Variants in CDH9 observed in about 807,000 individuals in gnomAD.
CDH9 encodes the protein cadherin 9.
In CDH9, 28 loss-of-function variants were observed where a neutral mutation model predicts 70.9. That is an observed-to-expected ratio of 0.40 (90% CI 0.29 to 0.54). The LOEUF is 0.54. Ranked by LOEUF, CDH9 falls within the 20% of genes least tolerant of loss-of-function variation. The probability of loss-of-function intolerance (pLI) is 0.59; values close to 1 mark genes in which losing one functional copy is unlikely to be tolerated. For missense variants in CDH9, 874 were observed against 984.4 expected, an observed-to-expected ratio of 0.89 and a Z score of 1.50; for synonymous variants, 409 against 343.1, an observed-to-expected ratio of 1.19 and a Z score of -2.12.
chr5:27,005,302 G>C (rs1167513677), intron 1 of CDH9, among the ~76,000 whole-genome samples: 1 of 151,938 alleles, frequency 6.6e-6, no homozygotes, highest in African/African-American at 2.4e-5. Flanking sequence ...CCTGGACATA[G>C]GAAGGGCAAA....
At chr5:26,905,741 T>C (rs1740933810) in intron 5 of CDH9, among the ~76,000 whole-genome samples, 1 of 152,134 alleles carries the variant, frequency 6.6e-6, no homozygotes, top group Non-Finnish European at 1.5e-5. Flanking sequence ...TAATACTTTG[T>C]TTTCTTCCAC....
At chr5:26,949,747 T>C (rs545501356) in intron 2 of CDH9, among the ~76,000 whole-genome samples, 160 of 152,332 alleles carry the variant, frequency 1.1e-3, no homozygotes, top group African/African-American at 3.7e-3. Context: ...TGAAAAAGTC[T>C]TGCTTGTTAA....
At chr5:26,918,451 T>C (rs1317858315) in intron 2 of CDH9, among the ~76,000 whole-genome samples, 2 of 152,216 alleles carry the variant, frequency 1.3e-5, no homozygotes, top group Non-Finnish European at 2.9e-5. Context: ...AAGACTGATA[T>C]TCTTCTATTA....
At chr5:26,931,695 G>C (rs894756458) in intron 2 of CDH9, among the ~76,000 whole-genome samples, 1 of 152,072 alleles carries the variant, frequency 6.6e-6, no homozygotes, top group Non-Finnish European at 1.5e-5. Context: ...ACTACACTTA[G>C]GAAGTACCAG....
rs1740941877 is a variant in CDH9, at chr5:26,906,059, C to T, written c.711G>A (p.Gln237=). The change falls in exon 5 of 12, where the codon CAG becomes CAA. Residue 237 remains glutamine, a synonymous_variant. Coordinates refer to ENST00000231021, the MANE Select transcript of CDH9 (RefSeq NM_016279.4). ...CCATCTGGCCACCCATGTCTTTGGC[C>T]TGTATAACAACCTGGTACTGCTCTC... The part of the protein sequence containing the change: ...ENREQYQVVI[Q]AKDMGGQMGG... The T allele has an allele frequency of 1.2e-6, 2 of 1,613,646 alleles. No homozygotes were observed. Among genetic ancestry groups the T allele is most frequent in the Non-Finnish European group, 8.5e-7 (1 of 1,179,682 alleles).
At chr5:26,985,929 A>G (rs1742480758) in intron 2 of CDH9, among the ~76,000 whole-genome samples, 1 of 152,124 alleles carries the variant, frequency 6.6e-6, no homozygotes, top group Non-Finnish European at 1.5e-5. Flanking sequence ...AGTGATGTCA[A>G]AAGCCAGAAA....
intron 11 of CDH9, among the ~76,000 whole-genome samples, chr5:26,883,781 G>T (rs1308019694): frequency 2.0e-5 from 3 of 151,606 alleles, no homozygotes; most frequent in Non-Finnish European, 4.4e-5. Flanking sequence ...TCATCAGGCT[G>T]AAAAGTGTCC....
chr5:26,962,974 A>G (rs891060240), intron 2 of CDH9, among the ~76,000 whole-genome samples: 7 of 152,260 alleles, frequency 4.6e-5, no homozygotes, highest in African/African-American at 1.4e-4. Flanking sequence ...ATATTTTCCT[A>G]CAGAAAAATT....
intron 2 of CDH9, among the ~76,000 whole-genome samples, chr5:26,952,234 G>A (rs1741858655): frequency 6.7e-6 from 1 of 149,686 alleles, no homozygotes; most frequent in African/African-American, 2.4e-5. Flanking sequence ...AAAGTGCTGG[G>A]ATCACAGGCG....
intron 1 of CDH9, among the ~76,000 whole-genome samples, chr5:27,003,263 T>C (rs1167459077): frequency 6.6e-6 from 1 of 152,114 alleles, no homozygotes; most frequent in East Asian, 1.9e-4. Context: ...TTTATACTGA[T>C]ATAAATAAAC....
chr5:26,887,203 T>G (rs1023844519), intron 9 of CDH9, among the ~76,000 whole-genome samples: 5 of 152,096 alleles, frequency 3.3e-5, no homozygotes, highest in African/African-American at 1.2e-4. Context: ...CTTTTCTCCT[T>G]AGAAAATTGG....
intron 1 of CDH9, among the ~76,000 whole-genome samples, chr5:27,005,564 G>A (rs184760827): frequency 1.7e-3 from 260 of 152,214 alleles, no homozygotes; most frequent in South Asian, 3.1e-3. Context: ...TGCACTGATG[G>A]TGGGGGTGTA....
chr5:26,964,853 C>T (rs1742102388), intron 2 of CDH9, among the ~76,000 whole-genome samples: 1 of 119,448 alleles, frequency 8.4e-6, no homozygotes, highest in Non-Finnish European at 1.6e-5. Context: ...TCTCATTGTT[C>T]ATCTCCTGCT....
chr5:26,881,820 A>T (rs936808026), intron 11 of CDH9, among the ~76,000 whole-genome samples, 197 bp from the exon 12 acceptor site: 2 of 152,100 alleles, frequency 1.3e-5, no homozygotes, highest in African/African-American at 4.8e-5. Context: ...AGATATTACC[A>T]TGCCTTTAAT....
At chr5:26,888,032 G>A (rs1215766124) in intron 9 of CDH9, among the ~76,000 whole-genome samples, 3 of 152,044 alleles carry the variant, frequency 2.0e-5, no homozygotes, top group Admixed American at 6.6e-5. Context: ...GTGGTAATTT[G>A]TCATGGCAGC....
intron 1 of CDH9, among the ~76,000 whole-genome samples, chr5:27,018,999 A>T (rs190239416): frequency 1.1e-4 from 16 of 152,110 alleles, no homozygotes; most frequent in Non-Finnish European, 2.2e-4. Flanking sequence ...TTACTATATT[A>T]TTATGTCCTA....
chr5:26,915,650 A>G lies in CDH9; in HGVS notation c.503T>C (p.Val168Ala). The G allele has an allele frequency of 6.3e-7, 1 of 1,598,420 alleles. No individual in the cohort carries two copies. The highest frequency in any genetic ancestry group is 8.6e-7 in the Non-Finnish European group (1 of 1,165,804). The change falls in exon 3 of 12, where the codon GTT becomes GCT. Residue 168 changes from valine to alanine, a missense_variant. Transcript: ENST00000231021. ...CCTACCGACTCCAGACATTTCAGGA[A>G]CACTGGCAGTGTATAAGTCTTTTGT... ...KFTKDLYTASVPEMSGVGTSV... is the reference protein window; with the variant it reads ...KFTKDLYTASAPEMSGVGTSV...
At chr5:26,887,950 G>T (rs529250700) in intron 9 of CDH9, among the ~76,000 whole-genome samples, 72 of 152,228 alleles carry the variant, frequency 4.7e-4, no homozygotes, top group African/African-American at 1.6e-3. Context: ...TAGCCCTGCT[G>T]CGTGTTAATT....
In CDH9 at chr5:26,881,286, A is replaced by C; in HGVS notation, c.2220T>G (p.Tyr740Ter). Residue 740 changes from tyrosine (Y) to a stop codon, truncating the protein, a stop_gained, in exon 12 of 12, where the codon TAT becomes TAG. Coordinates refer to ENST00000231021, the MANE Select transcript of CDH9 (RefSeq NM_016279.4). LOFTEE classifies it high-confidence loss of function. ...AATCTGCTATGGAATCATTCCCTTC[A>C]TAGGCATACGTTGCCAGCGAATCAT... ...PPYDSLATYA[Y>*]EGNDSIADSL... 1 of 1,613,442 alleles carries C rather than the reference A, an allele frequency of 6.2e-7. No homozygotes were observed. The highest frequency in any genetic ancestry group is 2.2e-5 in the East Asian group (1 of 44,862).
Sources: gnomAD v4.1 joint callset for allele counts (sites outside exome capture counted in the v4.1 genomes callset) on GRCh38, gnomAD v4.1.1 for gene constraint, MANE v1.5 for transcripts, NCBI Gene and HGNC (gene_info 2026-07-23, HGNC 2026-07-21) for gene names.